Variants in CNTNAP4 observed in about 807,000 individuals in gnomAD.
The protein encoded by CNTNAP4 is contactin-associated protein-like 4.
CNTNAP4 carries 98 observed loss-of-function variants against 148.4 expected under a neutral mutation model. The ratio of observed to expected loss-of-function variants is 0.66; its 90% CI spans 0.56 to 0.78. The LOEUF (loss-of-function observed/expected upper bound fraction) is 0.78. Ranked by LOEUF, CNTNAP4 falls within the 30% of genes least tolerant of loss-of-function variation. CNTNAP4 has a pLI of 0.00. For missense variants in CNTNAP4, 1,935 were observed against 1,565.6 expected (o/e 1.24, Z -3.98); for synonymous variants, 730 against 565.1 (o/e 1.29, Z -4.14).
At chr16:76,375,718 C>G (rs17766951) in intron 3 of CNTNAP4, among the ~76,000 whole-genome samples, 2,305 of 152,242 alleles carry the variant, frequency 0.015, 89 homozygotes, top group East Asian at 0.15. Context: ...CACATTGTCT[C>G]ATTTTCTGCA....
chr16:76,328,884 A>T (rs1037410002), intron 2 of CNTNAP4, among the ~76,000 whole-genome samples: 1 of 152,124 alleles, frequency 6.6e-6, no homozygotes, highest in East Asian at 1.9e-4. Flanking sequence ...ACCTCAGGTG[A>T]TCCACCTGCC....
intron 12 of CNTNAP4, among the ~76,000 whole-genome samples, chr16:76,480,359 C>T (rs1413065449): frequency 6.6e-6 from 1 of 151,834 alleles, no homozygotes; most frequent in African/African-American, 2.4e-5. Flanking sequence ...GCATAAAAAC[C>T]TCAAACACAT....
chr16:76,438,669 A>G (rs535094747), intron 4 of CNTNAP4, among the ~76,000 whole-genome samples: 2 of 152,148 alleles, frequency 1.3e-5, no homozygotes, highest in South Asian at 2.1e-4. Flanking sequence ...CGCCAGTGCC[A>G]TCCAGCTCGC....
At chr16:76,539,079 T>C (rs2084340333) in intron 19 of CNTNAP4, among the ~76,000 whole-genome samples, 1 of 152,070 alleles carries the variant, frequency 6.6e-6, no homozygotes, top group African/African-American at 2.4e-5. Flanking sequence ...ATTCTTACTG[T>C]GCATTTTGAG....
chr16:76,326,691 C>G (rs1253657533), intron 2 of CNTNAP4, among the ~76,000 whole-genome samples: 1 of 150,104 alleles, frequency 6.7e-6, no homozygotes, highest in Non-Finnish European at 1.5e-5. Context: ...AGCAAACTAT[C>G]ACAAGGACAA....
chr16:76,411,715 T>A, intron 3 of CNTNAP4, among the ~76,000 whole-genome samples: 1 of 151,562 alleles, frequency 6.6e-6, no homozygotes, highest in Non-Finnish European at 1.5e-5. Flanking sequence ...ACATGCAAAA[T>A]TTAAATCTTG....
intron 1 of CNTNAP4, among the ~76,000 whole-genome samples, chr16:76,300,755 C>T (rs1401211894): frequency 6.6e-6 from 1 of 152,058 alleles, no homozygotes. Flanking sequence ...CTCTAGAGGG[C>T]TCCAGTCAAA....
intron 4 of CNTNAP4, among the ~76,000 whole-genome samples, chr16:76,433,038 A>C (rs1446323535): frequency 2.6e-5 from 4 of 152,104 alleles, no homozygotes; most frequent in African/African-American, 9.7e-5. Flanking sequence ...AACTTCTCTA[A>C]TACCCCACAT....
intron 4 of CNTNAP4, among the ~76,000 whole-genome samples, chr16:76,431,904 T>A (rs1322636002): frequency 6.6e-6 from 1 of 152,032 alleles, no homozygotes; most frequent in Non-Finnish European, 1.5e-5. Flanking sequence ...AAACAAGAGA[T>A]AATTAATCCT....
intron 1 of CNTNAP4, among the ~76,000 whole-genome samples, chr16:76,286,500 G>A (rs531678324): frequency 7.2e-5 from 11 of 152,016 alleles, no homozygotes; most frequent in Non-Finnish European, 5.9e-5. Context: ...TCTAGGACTC[G>A]GTGTAAAGAC....
intron 4 of CNTNAP4, among the ~76,000 whole-genome samples, chr16:76,435,871 ATAAATTCAGCCTGATC>A (rs2079804476): frequency 6.6e-6 from 1 of 152,174 alleles, no homozygotes; most frequent in Admixed American, 6.5e-5. Context: ...GCTGAAATCA[ATAAATTCAGCCTGATC>A]TAATTCTATG....
At chr16:76,472,191 C>G (rs1597655224) in intron 10 of CNTNAP4, among the ~76,000 whole-genome samples, 1 of 151,852 alleles carries the variant, frequency 6.6e-6, no homozygotes, top group South Asian at 2.1e-4. Flanking sequence ...GTGTAAAATA[C>G]AATGGTTTAG....
intron 10 of CNTNAP4, among the ~76,000 whole-genome samples, chr16:76,474,730 C>G (rs2081502291): frequency 6.6e-6 from 1 of 152,004 alleles, no homozygotes; most frequent in Non-Finnish European, 1.5e-5. Context: ...CAAAACTTTC[C>G]AAACTTTTTC....
At position 76,320,392 on chromosome 16, in the gene CNTNAP4, A is replaced by T. The variant is rs543782958; in HGVS notation, c.196+3869A>T. Among the ~76,000 whole-genome samples the T allele has an allele frequency of 1.4e-3, 208 of 152,294 alleles. 3 individuals are homozygous for T. The highest frequency in any genetic ancestry group is 7.9e-3 in the South Asian group (38 of 4,820). ...ACTGATAAGCAAAAAAGGCAATCAGACTTGATGGTTTGGAACATTCTTGGC... is the reference window on the plus strand; with the variant it reads ...ACTGATAAGCAAAAAAGGCAATCAGTCTTGATGGTTTGGAACATTCTTGGC... On this transcript the variant is annotated intron_variant, in intron 2 of 23. Coordinates refer to ENST00000611870, the MANE Select transcript of CNTNAP4 (RefSeq NM_033401.5).
At chr16:76,322,785 C>G (rs995162893) in intron 2 of CNTNAP4, among the ~76,000 whole-genome samples, 1 of 152,060 alleles carries the variant, frequency 6.6e-6, no homozygotes, top group Non-Finnish European at 1.5e-5. Context: ...ATTCTGACCT[C>G]CACAGAACTG....
chr16:76,417,982 C>A (rs567284775), intron 3 of CNTNAP4, among the ~76,000 whole-genome samples: 1 of 151,768 alleles, frequency 6.6e-6, no homozygotes, highest in Non-Finnish European at 1.5e-5. Context: ...CTTTCTTTCT[C>A]TATCAGTAAT....
intron 3 of CNTNAP4, among the ~76,000 whole-genome samples, chr16:76,372,451 C>G (rs2014950115): frequency 6.6e-6 from 1 of 151,858 alleles, no homozygotes; most frequent in South Asian, 2.1e-4. Context: ...CCCTGCTGGT[C>G]CCACCAAAAT....
chr16:76,530,393 G>A (rs1476375458), intron 17 of CNTNAP4, among the ~76,000 whole-genome samples: 1 of 152,030 alleles, frequency 6.6e-6, no homozygotes, highest in Non-Finnish European at 1.5e-5. Flanking sequence ...AGCCTAAGAC[G>A]CCCCGAGTGT....
At chr16:76,327,710 A>G (rs141143252) in intron 2 of CNTNAP4, among the ~76,000 whole-genome samples, 4 of 152,138 alleles carry the variant, frequency 2.6e-5, no homozygotes, top group Non-Finnish European at 5.9e-5. Context: ...TCATTCTAGT[A>G]GTGAGGGATG....
Sources: gnomAD v4.1 joint callset for allele counts (sites outside exome capture counted in the v4.1 genomes callset) on GRCh38, gnomAD v4.1.1 for gene constraint, MANE v1.5 for transcripts, NCBI Gene and HGNC (gene_info 2026-07-23, HGNC 2026-07-21) for gene names.